Variants in SOX6 observed in about 807,000 individuals in gnomAD.
The protein encoded by SOX6 is SRY-box transcription factor 6.
In SOX6, 11 loss-of-function variants were observed where a neutral mutation model predicts 97.8. That is an observed-to-expected ratio of 0.11 (90% CI 0.07 to 0.19). The LOEUF is 0.19. SOX6 is among the 10% of genes least tolerant of loss of function. The pLI, the probability that SOX6 is intolerant of heterozygous loss-of-function variation, is 1.00. For synonymous variants in SOX6, 360 were observed against 371.4 expected (o/e 0.97, Z 0.35); for missense variants, 810 against 1,039.5 (o/e 0.78, Z 3.04).
chr11:16,592,706 C>CTATTT (rs148096306), intron 4 of SOX6, among the ~76,000 whole-genome samples: 1,626 of 151,980 alleles, frequency 0.011, 22 homozygotes, highest in African/African-American at 0.037. Flanking sequence ...TACAAATGTC[C>CTATTT]TATTTTATTG....
chr11:15,967,670 C>A lies in SOX6; in HGVS notation c.*5139G>T, dbSNP rs959185847. The A allele has an allele frequency of 1.2e-4, 19 of 152,140 alleles. No homozygotes were observed. The highest frequency in any genetic ancestry group is 4.6e-4 in the African/African-American group (19 of 41,414). 9.4% of individuals were successfully genotyped at this position (152,140 alleles called of 1,614,324 possible). ...GACAAAGGAAGACAAAGGGAGAATG[C>A]ACATGAGCAGACCTGCAATGTGCAG... On this transcript the variant is annotated 3_prime_UTR_variant, in exon 16 of 16. Coordinates refer to ENST00000683767, the MANE Select transcript of SOX6 (RefSeq NM_001367873.1).
chr11:16,575,260 C>T (rs1847971737), intron 4 of SOX6, among the ~76,000 whole-genome samples: 1 of 152,146 alleles, frequency 6.6e-6, no homozygotes, highest in Non-Finnish European at 1.5e-5. Context: ...TTGTTAGCAA[C>T]AATGCTGAAT....
At chr11:16,501,470 T>C (rs1477326227) in intron 4 of SOX6, among the ~76,000 whole-genome samples, 1 of 152,076 alleles carries the variant, frequency 6.6e-6, no homozygotes, top group Admixed American at 6.5e-5. Context: ...GGGATCTAAT[T>C]AAACTAAAGA....
intron 2 of SOX6, among the ~76,000 whole-genome samples, chr11:16,319,470 C>T (rs1855847841): frequency 6.6e-6 from 1 of 151,988 alleles, no homozygotes; most frequent in Admixed American, 6.6e-5. Context: ...CCCATTAACT[C>T]GTCATTTACA....
chr11:16,729,646 C>T (rs1331678050), intron 2 of SOX6, among the ~76,000 whole-genome samples: 2 of 152,104 alleles, frequency 1.3e-5, no homozygotes, highest in African/African-American at 4.8e-5. Flanking sequence ...TAAAGACCAT[C>T]GACACTATGA....
chr11:16,370,684 TG>T (rs1395287851), intron 1 of SOX6, among the ~76,000 whole-genome samples: 1 of 152,082 alleles, frequency 6.6e-6, no homozygotes, highest in Non-Finnish European at 1.5e-5. Context: ...CTCTAAACCC[TG>T]TACCTTCCAA....
chr11:16,355,600 T>C (rs1405404016), intron 1 of SOX6, among the ~76,000 whole-genome samples: 1 of 152,062 alleles, frequency 6.6e-6, no homozygotes, highest in Non-Finnish European at 1.5e-5. Context: ...GCTTGTCAGT[T>C]GTGTTTCTTT....
At chr11:16,662,345 G>A (rs1847771643) in intron 3 of SOX6, among the ~76,000 whole-genome samples, 1 of 152,096 alleles carries the variant, frequency 6.6e-6, no homozygotes. Context: ...TCCACTGTCT[G>A]CTTGTTTGTG....
upstream of SOX6, among the ~76,000 whole-genome samples, chr11:16,480,251 A>AT (rs1860320850): frequency 6.6e-6 from 1 of 152,182 alleles, no homozygotes; most frequent in African/African-American, 2.4e-5. Context: ...TATTATTTAG[A>AT]TTTTTTTATA....
intron 4 of SOX6, among the ~76,000 whole-genome samples, chr11:16,497,552 G>A (rs1260583103): frequency 6.6e-6 from 1 of 151,912 alleles, no homozygotes; most frequent in African/African-American, 2.4e-5. Flanking sequence ...CCATGGCAAA[G>A]AAGTTAAAAA....
At chr11:15,985,064 C>A (rs1240602508) in intron 15 of SOX6, among the ~76,000 whole-genome samples, 1 of 152,158 alleles carries the variant, frequency 6.6e-6, no homozygotes, top group African/African-American at 2.4e-5. Flanking sequence ...AACTCCAAAG[C>A]CCACGCTCCT....
intron 4 of SOX6, among the ~76,000 whole-genome samples, chr11:16,225,555 T>C (rs1179860131): frequency 2.0e-5 from 3 of 151,298 alleles, no homozygotes; most frequent in African/African-American, 7.3e-5. Flanking sequence ...TACATATACT[T>C]TAGGGCCTTA....
chr11:16,306,469 C>T (rs1390769636), intron 3 of SOX6, among the ~76,000 whole-genome samples: 2 of 151,910 alleles, frequency 1.3e-5, no homozygotes, highest in Non-Finnish European at 2.9e-5. Context: ...TTTCAATAAA[C>T]GGAGAGAATA....
chr11:16,027,543 C>G (rs1855246795), intron 12 of SOX6, among the ~76,000 whole-genome samples: 1 of 152,158 alleles, frequency 6.6e-6, no homozygotes, highest in African/African-American at 2.4e-5. Flanking sequence ...AGAAATGAGT[C>G]AGGCTCAGTT....
At chr11:16,122,792 T>C (rs1849524539) in intron 6 of SOX6, among the ~76,000 whole-genome samples, 1 of 152,080 alleles carries the variant, frequency 6.6e-6, no homozygotes, top group Non-Finnish European at 1.5e-5. Context: ...ATTTGCTATA[T>C]AAATGAATTC....
At chr11:16,623,022 T>C (rs1018457280) in intron 3 of SOX6, among the ~76,000 whole-genome samples, 1 of 152,122 alleles carries the variant, frequency 6.6e-6, no homozygotes, top group Admixed American at 6.6e-5. Context: ...TCATTAGTGA[T>C]GTTGAGCATT....
intron 12 of SOX6, among the ~76,000 whole-genome samples, chr11:16,042,398 A>C (rs1855695193): frequency 6.6e-6 from 1 of 152,192 alleles, no homozygotes; most frequent in Non-Finnish European, 1.5e-5. Flanking sequence ...GAAGGTGACA[A>C]GTATAGAGAA....
intron 1 of SOX6, among the ~76,000 whole-genome samples, chr11:16,443,678 T>C (rs1038903956): frequency 2.4e-4 from 37 of 152,278 alleles, no homozygotes; most frequent in Admixed American, 5.2e-4. Flanking sequence ...GCTACCCTGA[T>C]AGTGAGCATA....
intron 4 of SOX6, among the ~76,000 whole-genome samples, chr11:16,548,471 C>A (rs1847644929): frequency 6.6e-6 from 1 of 151,982 alleles, no homozygotes; most frequent in Non-Finnish European, 1.5e-5. Flanking sequence ...AAAAATGAAG[C>A]CACAATGGGC....
Sources: allele counts gnomAD v4.1 joint callset (sites outside exome capture counted in the v4.1 genomes callset), GRCh38; gene constraint gnomAD v4.1.1; transcripts MANE v1.5; gene names NCBI Gene and HGNC (gene_info 2026-07-23, HGNC 2026-07-21).